Variants in ATG7 observed in about 807,000 individuals in gnomAD.
The protein encoded by ATG7 is ubiquitin-like modifier-activating enzyme ATG7.
Under a neutral mutation model 82.4 loss-of-function variants are expected in ATG7, and 70 were observed. The observed-to-expected ratio is 0.85, with a 90% CI of 0.70 to 1.04. The LOEUF (loss-of-function observed/expected upper bound fraction) is 1.04, where lower values mean the gene tolerates loss of function less well. ATG7 is among the 50% of genes least tolerant of loss of function. The probability of loss-of-function intolerance (pLI) is 0.00; values close to 1 mark genes in which losing one functional copy is unlikely to be tolerated. For missense variants in ATG7, 792 were observed against 864.3 expected (o/e 0.92, Z 1.05); for synonymous variants, 287 against 313.0 (o/e 0.92, Z 0.88).
Position 11,342,146 on chromosome 3 carries a change from C to A in ATG7, c.992C>A (p.Ser331Ter), listed in dbSNP as rs905793815. Residue 331 changes from serine (S) to a stop codon, truncating the protein, a stop_gained, in exon 13 of 21, where the codon TCA becomes TAA. Transcript: ENST00000693202. LOFTEE classifies it high-confidence loss of function. The part of the protein sequence containing the change: ...ECMDPKRLAE[S>*]SVDLNLKLMC... ...CTCTCCTTTTCTAGGTTAGCTGAGT[C>A]ATCAGTGGATCTAAATCTCAAACTG... 2 of 1,612,160 alleles carry A rather than the reference C, an allele frequency of 1.2e-6. No individual in the cohort carries two copies. The highest frequency in any genetic ancestry group is 2.7e-5 in the African/African-American group (2 of 74,846).
At chr3:11,496,308 C>T (rs932863048) in intron 20 of ATG7, among the ~76,000 whole-genome samples, 26 of 152,312 alleles carry the variant, frequency 1.7e-4, no homozygotes, top group Non-Finnish European at 2.6e-4. Context: ...TGAATGGGTT[C>T]GCTGACCTGT....
At chr3:11,378,289 G>A (rs923130004) in intron 18 of ATG7, among the ~76,000 whole-genome samples, 1 of 151,118 alleles carries the variant, frequency 6.6e-6, no homozygotes, top group Non-Finnish European at 1.5e-5. Context: ...AGTGCTAGGA[G>A]TACAGACGTG....
At chr3:11,508,164 G>T (rs1290545385) in intron 20 of ATG7, among the ~76,000 whole-genome samples, 2 of 151,944 alleles carry the variant, frequency 1.3e-5, no homozygotes, top group Non-Finnish European at 2.9e-5. Context: ...ATGTCAACAG[G>T]AAGCATTTCA....
rs551504583 is a variant in ATG7, at chr3:11,494,248, A to G, written c.2080-60563A>G. ...TGAAACTACATGCAGGAAAACAGGA[A>G]TTAGGGAGGGGTAAGGAAGAGGAGT... On this transcript the variant is annotated intron_variant, in intron 20 of 20. Coordinates refer to ENST00000693202, the MANE Select transcript of ATG7 (RefSeq NM_001349232.2). Among the ~76,000 whole-genome samples the G allele has an allele frequency of 1.6e-3, 240 of 152,288 alleles. 2 individuals are homozygous for G. The highest frequency in any genetic ancestry group is 3.1e-3 in the Non-Finnish European group (208 of 68,020).
chr3:11,328,652 A>G (rs1951209431), intron 9 of ATG7, among the ~76,000 whole-genome samples: 1 of 152,228 alleles, frequency 6.6e-6, no homozygotes, highest in South Asian at 2.1e-4. Flanking sequence ...TGAGCAGATG[A>G]AGACTACTTA....
In ATG7 at chr3:11,349,541, T is replaced by TATAATA. The variant is rs534921153; in HGVS notation, c.1284+1520_1284+1525dup. Among the ~76,000 whole-genome samples the TATAATA allele has an allele frequency of 2.7e-3, 412 of 152,012 alleles. 3 individuals carry two copies. Among genetic ancestry groups the TATAATA allele is most frequent in the African/African-American group, 9.4e-3 (389 of 41,468 alleles). The stretch of plus-strand genomic sequence containing the variant: ...CGGTGACAAGGCAAAACACTGTCTA[T>TATAATA]ATAATAATAATAATAATAAATAATC... On this transcript the variant is annotated intron_variant, in intron 14 of 20. Transcript: ENST00000693202.
chr3:11,511,668 C>G (rs569222213), intron 20 of ATG7, among the ~76,000 whole-genome samples: 21 of 152,300 alleles, frequency 1.4e-4, no homozygotes, highest in African/African-American at 5.1e-4. Context: ...CGGGGAGGCT[C>G]CGGCCGCACA....
At chr3:11,275,456 C>G (rs963105032) in intron 1 of ATG7, among the ~76,000 whole-genome samples, 2 of 150,994 alleles carry the variant, frequency 1.3e-5, no homozygotes, top group Non-Finnish European at 1.5e-5. Flanking sequence ...TCACTCCATA[C>G]TCCTGCCTCA....
intron 20 of ATG7, among the ~76,000 whole-genome samples, chr3:11,531,218 G>GC (rs2092687824): frequency 6.8e-6 from 1 of 147,676 alleles, no homozygotes. Flanking sequence ...TCTAGAAGAA[G>GC]GGGGGGCTGT....
At chr3:11,362,680 G>C in intron 16 of ATG7, 133 bp from the exon 17 acceptor site, 2 of 638,238 alleles carry the variant, frequency 3.1e-6, no homozygotes, top group Non-Finnish European at 5.4e-6. Flanking sequence ...TGTACTTGAG[G>C]CTGGATGTTC....
chr3:11,404,353 C>A (rs1013594483), intron 19 of ATG7, among the ~76,000 whole-genome samples: 9 of 151,870 alleles, frequency 5.9e-5, no homozygotes, highest in Admixed American at 5.9e-4. Flanking sequence ...CCAGGCTGGT[C>A]ATGAACTCCT....
chr3:11,373,041 GT>G lies in ATG7; in HGVS notation c.1876-6926del, dbSNP rs887142351. ...TTGTTTGTTTTGTCATGTGTTTATCGTTTTTATTACAGAAAGAGTTAACTTT... is the reference window on the plus strand; with the variant it reads ...TTGTTTGTTTTGTCATGTGTTTATCGTTTTATTACAGAAAGAGTTAACTTT... On this transcript the variant is annotated intron_variant, in intron 18 of 20. Transcript: ENST00000693202. 2.1e-4 allele frequency among the ~76,000 whole-genome samples: 32 copies of G among 151,226 alleles called. 1 individual carries two copies. Among genetic ancestry groups the G allele is most frequent in the African/African-American group, 6.6e-4 (27 of 41,096 alleles).
At chr3:11,326,138 T>C (rs1197771511) in intron 9 of ATG7, among the ~76,000 whole-genome samples, 2 of 152,222 alleles carry the variant, frequency 1.3e-5, no homozygotes, top group African/African-American at 4.8e-5. Flanking sequence ...GCTGCAGAAT[T>C]AAAACACATA....
chr3:11,497,077 A>G (rs937733415), intron 20 of ATG7, among the ~76,000 whole-genome samples: 25 of 151,520 alleles, frequency 1.6e-4, no homozygotes, highest in Non-Finnish European at 3.2e-4. Context: ...TCTCAAACTC[A>G]TCAACTCAAG....
rs2072364622 is a variant in ATG7, at chr3:11,555,976, C to G, written c.*1133C>G. 6.5e-6 allele frequency: 1 copy of G among 152,744 alleles called. No individual in the cohort carries two copies. The highest frequency in any genetic ancestry group is 2.4e-5 in the African/African-American group (1 of 41,444). 9.5% of individuals were successfully genotyped at this position (152,744 alleles called of 1,614,324 possible). A position where few individuals can be genotyped will look rare whatever the true frequency, so the allele number is the denominator to read the frequency against. On this transcript the variant is annotated 3_prime_UTR_variant, in exon 21 of 21. Transcript: ENST00000693202. ...CCAAGTTCCAGTGGCTGTCGTTCAG[C>G]TCATGGGAGCTTCATGGGGACACAG...
intron 19 of ATG7, among the ~76,000 whole-genome samples, chr3:11,411,733 T>A (rs1447732659): frequency 3.9e-5 from 6 of 151,904 alleles, no homozygotes; most frequent in Admixed American, 2.6e-4. Flanking sequence ...ATCTATGAAA[T>A]TCAGTCTATT....
intron 9 of ATG7, among the ~76,000 whole-genome samples, chr3:11,317,726 G>T (rs898599052): frequency 6.6e-6 from 1 of 151,844 alleles, no homozygotes; most frequent in Admixed American, 6.6e-5. Flanking sequence ...CCAAGCAGCT[G>T]GGACTACAGG....
At chr3:11,291,313 G>A (rs1262557433) in intron 3 of ATG7, among the ~76,000 whole-genome samples, 1 of 152,192 alleles carries the variant, frequency 6.6e-6, no homozygotes, top group Non-Finnish European at 1.5e-5. Flanking sequence ...TTTGACTGTT[G>A]GAGAGGAGGT....
At chr3:11,290,015 A>G (rs2152670441) in intron 3 of ATG7, among the ~76,000 whole-genome samples, 1 of 152,306 alleles carries the variant, frequency 6.6e-6, no homozygotes, top group Non-Finnish European at 1.5e-5. Context: ...TATTGTCCCC[A>G]TGTGTTTTCT....
Sources: gnomAD v4.1 joint callset for allele counts (sites outside exome capture counted in the v4.1 genomes callset) on GRCh38, gnomAD v4.1.1 for gene constraint, MANE v1.5 for transcripts, NCBI Gene and HGNC (gene_info 2026-07-23, HGNC 2026-07-21) for gene names.